Variants in AKAP13 observed in about 807,000 individuals in gnomAD.
AKAP13 encodes the protein A-kinase anchoring protein 13.
In AKAP13, 80 loss-of-function variants were observed where a neutral mutation model predicts 264.5. That is an observed-to-expected ratio of 0.30 (90% CI 0.25 to 0.36). The LOEUF (loss-of-function observed/expected upper bound fraction) is 0.36. Ranked by LOEUF, AKAP13 falls within the 10% of genes least tolerant of loss-of-function variation. The pLI is 1.00. For synonymous variants in AKAP13, 1,380 were observed against 1,250.2 expected (o/e 1.10, Z -2.19); for missense variants, 3,712 against 3,435.2 (o/e 1.08, Z -2.01).
intron 9 of AKAP13, among the ~76,000 whole-genome samples, chr15:85,640,919 G>C (rs1293070997): frequency 6.6e-6 from 1 of 152,088 alleles, no homozygotes; most frequent in African/African-American, 2.4e-5. Flanking sequence ...GAATTCTGTA[G>C]ACCTACTGTA....
At position 85,579,919 on chromosome 15, in the gene AKAP13, C is replaced by T. The variant is rs765691134; in HGVS notation, c.1851C>T (p.Pro617=). Residue 617 remains proline (P), a synonymous_variant, in exon 7 of 37, where the codon CCC becomes CCT. Transcript: ENST00000394518. Reference sequence around the variant, plus strand: ...CAGGCATAGGTGAGGCAATGTCACCCTCAGATTTAGCCCTTCTTGGGCTGG... The same window carrying T: ...CAGGCATAGGTGAGGCAATGTCACCTTCAGATTTAGCCCTTCTTGGGCTGG... ...LAAGIGEAMS[P]SDLALLGLEE... 5.0e-6 allele frequency: 8 copies of T among 1,614,086 alleles called. No individual in the cohort carries two copies. In the African/African-American group the frequency reaches 9.3e-5, roughly 19 times the overall value.
intron 9 of AKAP13, among the ~76,000 whole-genome samples, chr15:85,641,968 A>G (rs1040315260): frequency 6.6e-6 from 1 of 152,236 alleles, no homozygotes; most frequent in Non-Finnish European, 1.5e-5. Context: ...ATGACTAGAT[A>G]ACACCTTTTA....
At chr15:85,565,065 T>C (rs2078554401) in intron 5 of AKAP13, among the ~76,000 whole-genome samples, 1 of 152,206 alleles carries the variant, frequency 6.6e-6, no homozygotes, top group African/African-American at 2.4e-5. Context: ...GGTAATCATA[T>C]TGTCAGCTTT....
chr15:85,491,900 G>T (rs906513532), intron 2 of AKAP13, among the ~76,000 whole-genome samples: 1 of 152,142 alleles, frequency 6.6e-6, no homozygotes, highest in South Asian at 2.1e-4. Context: ...AGTGCTCACA[G>T]CAGTGTTACC....
intron 23 of AKAP13, among the ~76,000 whole-genome samples, chr15:85,720,911 G>A (rs959247410): frequency 6.1e-4 from 93 of 152,202 alleles, no homozygotes; most frequent in African/African-American, 2.2e-3. Flanking sequence ...AGCATGTTAT[G>A]AAATAAATGC....
At chr15:85,546,317 ACCAAAC>A (rs1218600892) in intron 5 of AKAP13, among the ~76,000 whole-genome samples, 1 of 76,390 alleles carries the variant, frequency 1.3e-5, no homozygotes, top group East Asian at 2.7e-4. Context: ...AATTGTTGTT[ACCAAAC>A]ACACACACAC....
intron 1 of AKAP13, among the ~76,000 whole-genome samples, chr15:85,426,912 G>C (rs2072804210): frequency 6.6e-6 from 1 of 150,696 alleles, no homozygotes; most frequent in South Asian, 2.1e-4. Flanking sequence ...GTATGTGTCT[G>C]AAGTACTGTT....
chr15:85,521,388 C>G (rs768558176), intron 2 of AKAP13, 40 bp from the exon 3 acceptor site: 4 of 1,604,452 alleles, frequency 2.5e-6, no homozygotes, highest in Non-Finnish European at 3.4e-6. Context: ...CGAAGAGGAA[C>G]CTTACTAATG....
intron 1 of AKAP13, among the ~76,000 whole-genome samples, chr15:85,463,023 CAAAA>C (rs35565608): frequency 1.4e-4 from 9 of 65,172 alleles, no homozygotes; most frequent in African/African-American, 6.5e-4. Context: ...GACTCCGTCT[CAAAA>C]AAAAAAAAAA....
chr15:85,561,119 G>A (rs985951666), intron 5 of AKAP13, among the ~76,000 whole-genome samples: 7 of 145,114 alleles, frequency 4.8e-5, no homozygotes, highest in Non-Finnish European at 7.5e-5. Context: ...GTGCAACGGC[G>A]CAATCTCGGC....
At chr15:85,576,676 A>G (rs906224825) in intron 6 of AKAP13, among the ~76,000 whole-genome samples, 1 of 152,202 alleles carries the variant, frequency 6.6e-6, no homozygotes, top group Non-Finnish European at 1.5e-5. Context: ...GAGACCAGCA[A>G]GCCAAGAAAT....
At chr15:85,534,747 C>T (rs956366066) in intron 4 of AKAP13, 1 of 152,082 alleles carries the variant, frequency 6.6e-6, no homozygotes, top group Non-Finnish European at 1.5e-5. Flanking sequence ...CAGAACTCCA[C>T]TTTTTCAAAA....
At chr15:85,740,177 T>G in intron 33 of AKAP13, 45 bp from the exon 34 acceptor site, 7 of 1,608,280 alleles carry the variant, frequency 4.4e-6, no homozygotes, top group Non-Finnish European at 6.0e-6. Context: ...ATTCTGAGAT[T>G]CATAAAGCCC....
At chr15:85,566,876 C>T (rs571549478) in intron 5 of AKAP13, among the ~76,000 whole-genome samples, 4 of 151,960 alleles carry the variant, frequency 2.6e-5, no homozygotes, top group South Asian at 4.2e-4. Flanking sequence ...GATCTGCCTG[C>T]GTCGGCCTCC....
At chr15:85,516,041 T>C (rs2076586925) in intron 2 of AKAP13, among the ~76,000 whole-genome samples, 1 of 152,216 alleles carries the variant, frequency 6.6e-6, no homozygotes, top group Non-Finnish European at 1.5e-5. Context: ...GAAAAGCACA[T>C]GGTGTATTAA....
At chr15:85,465,255 C>T (rs888432415) in intron 1 of AKAP13, among the ~76,000 whole-genome samples, 1 of 151,928 alleles carries the variant, frequency 6.6e-6, no homozygotes, top group Non-Finnish European at 1.5e-5. Flanking sequence ...CCCGGCCAGG[C>T]ATTAATTACT....
chr15:85,533,226 T>C (rs955445005), intron 3 of AKAP13, among the ~76,000 whole-genome samples: 1 of 152,232 alleles, frequency 6.6e-6, no homozygotes, highest in Non-Finnish European at 1.5e-5. Flanking sequence ...CTTTCCATCA[T>C]ATGCTATGCC....
chr15:85,602,943 C>T (rs1011028210), intron 8 of AKAP13, among the ~76,000 whole-genome samples: 2 of 152,176 alleles, frequency 1.3e-5, no homozygotes, highest in Non-Finnish European at 2.9e-5. Context: ...AATGTTACTA[C>T]TAGTCTCATC....
chr15:85,555,368 T>C, intron 5 of AKAP13: 2 of 1,205,078 alleles, frequency 1.7e-6, no homozygotes, highest in Non-Finnish European at 2.2e-6. Flanking sequence ...GAAGTAAACT[T>C]GGAGCGAAAC....
Sources: allele counts gnomAD v4.1 joint callset (sites outside exome capture counted in the v4.1 genomes callset), GRCh38; gene constraint gnomAD v4.1.1; transcripts MANE v1.5; gene names NCBI Gene and HGNC (gene_info 2026-07-23, HGNC 2026-07-21).